TNIK: variants seen among roughly 807,000 people sequenced by gnomAD.
TNIK encodes the protein TRAF2 and NCK interacting kinase.
In TNIK, 49 loss-of-function variants were observed where a neutral mutation model predicts 191.3. The ratio of observed to expected loss-of-function variants is 0.26; its 90% CI spans 0.20 to 0.32. The LOEUF (loss-of-function observed/expected upper bound fraction) is 0.32, where lower values mean the gene tolerates loss of function less well. TNIK is among the 10% of genes least tolerant of loss of function. TNIK has a pLI of 1.00. For synonymous variants in TNIK, 594 were observed against 600.9 expected, an observed-to-expected ratio of 0.99 and a Z score of 0.17; for missense variants, 1,155 against 1,702.3, an observed-to-expected ratio of 0.68 and a Z score of 5.66.
chr3:171,162,374 A>T (rs1432250738), intron 10 of TNIK, among the ~76,000 whole-genome samples: 4 of 152,266 alleles, frequency 2.6e-5, no homozygotes, highest in Admixed American at 2.6e-4. Context: ...CAGTGAGCCA[A>T]GATCGCACCA....
intron 2 of TNIK, among the ~76,000 whole-genome samples, chr3:171,246,683 C>T (rs2109062425): frequency 6.6e-6 from 1 of 152,296 alleles, no homozygotes; most frequent in East Asian, 1.9e-4. Flanking sequence ...CACTTACAAT[C>T]TTAGTCTTTC....
chr3:171,101,156 T>C (rs1286440605), intron 22 of TNIK, among the ~76,000 whole-genome samples: 1 of 152,134 alleles, frequency 6.6e-6, no homozygotes, highest in Non-Finnish European at 1.5e-5. Flanking sequence ...GTTGTCGATA[T>C]TGTTTGCCCT....
At chr3:171,147,999 C>T (rs1472290411) in intron 12 of TNIK, among the ~76,000 whole-genome samples, 1 of 152,036 alleles carries the variant, frequency 6.6e-6, no homozygotes, top group East Asian at 1.9e-4. Context: ...TTAAAGCTAC[C>T]ATAGCTTTCC....
intron 2 of TNIK, among the ~76,000 whole-genome samples, chr3:171,331,111 C>A (rs986418759): frequency 2.0e-5 from 3 of 152,200 alleles, no homozygotes; most frequent in Admixed American, 2.0e-4. Flanking sequence ...ATGTTCTGAT[C>A]CCTTGCTGGG....
intron 1 of TNIK, among the ~76,000 whole-genome samples, chr3:171,413,136 T>C (rs1346733505): frequency 6.6e-6 from 1 of 152,208 alleles, no homozygotes; most frequent in Non-Finnish European, 1.5e-5. Flanking sequence ...TAACTAGAGA[T>C]ACACAAATAC....
intron 7 of TNIK, among the ~76,000 whole-genome samples, chr3:171,178,906 A>C (rs1285881994): frequency 6.6e-6 from 1 of 152,174 alleles, no homozygotes; most frequent in African/African-American, 2.4e-5. Flanking sequence ...CATAACCTTC[A>C]TGCTGAGTCA....
At chr3:171,410,475 C>T (rs1445180776) in intron 1 of TNIK, among the ~76,000 whole-genome samples, 4 of 152,164 alleles carry the variant, frequency 2.6e-5, no homozygotes, top group Non-Finnish European at 5.9e-5. Context: ...ATGAAGGCTG[C>T]AGTCTCTTTA....
intron 2 of TNIK, among the ~76,000 whole-genome samples, chr3:171,350,433 T>G (rs1345811013): frequency 6.6e-6 from 1 of 152,132 alleles, no homozygotes; most frequent in Non-Finnish European, 1.5e-5. Context: ...TCTATGACAT[T>G]TGAAGATATT....
chr3:171,176,319 G>C (rs1177416764), intron 8 of TNIK, among the ~76,000 whole-genome samples: 1 of 152,172 alleles, frequency 6.6e-6, no homozygotes, highest in Non-Finnish European at 1.5e-5. Flanking sequence ...TTCTAGACTG[G>C]GAAGTAAGAA....
chr3:171,110,852 G>A lies in TNIK; in HGVS notation c.2146C>T (p.Pro716Ser), dbSNP rs764808447. 1.2e-6 allele frequency: 2 copies of A among 1,604,732 alleles called. No homozygotes were observed. Among genetic ancestry groups the A allele is most frequent in the South Asian group, 2.3e-5 (2 of 88,372 alleles). Residue 716 changes from proline to serine, a missense_variant, in exon 19 of 33, where the codon CCC becomes TCC. Physicochemically the swap from Pro to Ser is moderately conservative, Grantham distance 74. Coordinates refer to ENST00000436636, the MANE Select transcript of TNIK (RefSeq NM_015028.4). ...CTCTGCAAGGGGCTCTCCAAGATGG[G>A]CTCAGTTCTCCGGAGATCAGGGTTG... ...ASNPDLRRTE[P>S]ILESPLQRTS...
intron 2 of TNIK, among the ~76,000 whole-genome samples, chr3:171,304,497 A>AC (rs1753205417): frequency 6.6e-6 from 1 of 152,196 alleles, no homozygotes; most frequent in South Asian, 2.1e-4. Flanking sequence ...TGACCCAGCC[A>AC]CCCCATTACT....
At chr3:171,173,702 C>T (rs1735619496) in intron 9 of TNIK, among the ~76,000 whole-genome samples, 2 of 152,220 alleles carry the variant, frequency 1.3e-5, no homozygotes, top group Admixed American at 1.3e-4. Flanking sequence ...CCAGTTTGTC[C>T]TCCTCTGTGG....
chr3:171,138,951 T>C (rs1730404633), intron 14 of TNIK, among the ~76,000 whole-genome samples: 1 of 152,144 alleles, frequency 6.6e-6, no homozygotes, highest in Non-Finnish European at 1.5e-5. Context: ...AGCAGTGCTA[T>C]AATAATAAAA....
chr3:171,238,254 T>A (rs918114411), intron 2 of TNIK, among the ~76,000 whole-genome samples: 2 of 151,770 alleles, frequency 1.3e-5, no homozygotes, highest in Non-Finnish European at 2.9e-5. Context: ...TTCAAAAAAA[T>A]TGAATTTTAT....
chr3:171,209,059 G>GA, intron 4 of TNIK, among the ~76,000 whole-genome samples: 1 of 138,546 alleles, frequency 7.2e-6, no homozygotes, highest in Middle Eastern at 3.7e-3. Flanking sequence ...GTTTGCTTTG[G>GA]AAGGGGTGTG....
chr3:171,162,959 G>A (rs1393085034), intron 10 of TNIK, among the ~76,000 whole-genome samples: 5 of 152,226 alleles, frequency 3.3e-5, no homozygotes, highest in African/African-American at 9.6e-5. Context: ...TGGAGGAAGA[G>A]ACTTGAAGTC....
chr3:171,099,896 A>C (rs958715029), intron 22 of TNIK, among the ~76,000 whole-genome samples: 3 of 152,186 alleles, frequency 2.0e-5, no homozygotes, highest in African/African-American at 7.2e-5. Context: ...CCAAATGCTA[A>C]TGAACATCTT....
chr3:171,297,056 A>G (rs972628825), intron 2 of TNIK, among the ~76,000 whole-genome samples: 1 of 152,180 alleles, frequency 6.6e-6, no homozygotes, highest in Non-Finnish European at 1.5e-5. Flanking sequence ...CTTGCCTCTT[A>G]TGATAAGGCC....
intron 4 of TNIK, among the ~76,000 whole-genome samples, chr3:171,205,284 C>T (rs1300274472): frequency 1.3e-5 from 2 of 152,206 alleles, no homozygotes; most frequent in Non-Finnish European, 2.9e-5. Context: ...AGAAATGACG[C>T]TCTTGCCCTT....
Sources: allele counts gnomAD v4.1 joint callset (sites outside exome capture counted in the v4.1 genomes callset), GRCh38; gene constraint gnomAD v4.1.1; transcripts MANE v1.5; gene names NCBI Gene and HGNC (gene_info 2026-07-23, HGNC 2026-07-21).